The following KALRN variants were observed in gnomAD, a reference collection of about 807,000 sequenced individuals.
KALRN encodes kalirin RhoGEF kinase, also known as kalirin.
KALRN carries 70 observed loss-of-function variants against 353.7 expected under a neutral mutation model. The observed-to-expected ratio is 0.20, with a 90% CI of 0.16 to 0.24. The LOEUF is 0.24. Ranked by LOEUF, KALRN falls within the 10% of genes least tolerant of loss-of-function variation. The pLI, the probability that KALRN is intolerant of heterozygous loss-of-function variation, is 1.00. For synonymous variants in KALRN, 1,391 were observed against 1,434.8 expected, an observed-to-expected ratio of 0.97 and a Z score of 0.69; for missense variants, 2,791 against 3,756.7, an observed-to-expected ratio of 0.74 and a Z score of 6.72.
intron 1 of KALRN, among the ~76,000 whole-genome samples, chr3:124,118,254 G>A (rs772440714): frequency 1.3e-5 from 2 of 152,072 alleles, no homozygotes; most frequent in Non-Finnish European, 2.9e-5. Flanking sequence ...CTGGGGGACA[G>A]GACAGAGGGA....
chr3:124,631,936 C>G (rs916146813), intron 34 of KALRN, among the ~76,000 whole-genome samples: 2 of 152,178 alleles, frequency 1.3e-5, no homozygotes, highest in African/African-American at 2.4e-5. Flanking sequence ...CCCAGAAGGC[C>G]CTTCGCCAGA....
intron 33 of KALRN, among the ~76,000 whole-genome samples, chr3:124,521,027 T>G (rs368049864): frequency 1.4e-4 from 22 of 152,246 alleles, no homozygotes; most frequent in East Asian, 1.2e-3. Flanking sequence ...CTCCCACAGG[T>G]GTTCACATCA....
intron 1 of KALRN, among the ~76,000 whole-genome samples, chr3:124,047,226 G>C (rs995821358): frequency 6.6e-6 from 1 of 152,124 alleles, no homozygotes; most frequent in Admixed American, 6.5e-5. Flanking sequence ...TTGAGTGAAT[G>C]TCTGCCATGT....
At chr3:124,505,629 AAAAC>A (rs915207947) in intron 33 of KALRN, among the ~76,000 whole-genome samples, 1 of 152,196 alleles carries the variant, frequency 6.6e-6, no homozygotes, top group African/African-American at 2.4e-5. Flanking sequence ...CTGTCTCAAA[AAAAC>A]AAACAAAAAA....
At chr3:124,082,479 T>A (rs911802562) in intron 1 of KALRN, 1 of 354,074 alleles carries the variant, frequency 2.8e-6, no homozygotes, top group Non-Finnish European at 5.6e-6. Flanking sequence ...CCAGTTCTGC[T>A]TCAGAAAATT....
At chr3:124,677,456 AT>A in intron 49 of KALRN, 1 of 372,772 alleles carries the variant, frequency 2.7e-6, no homozygotes, top group Non-Finnish European at 5.2e-6. Flanking sequence ...TTGAAAAGCC[AT>A]TGCTGCTCTC....
intron 8 of KALRN, among the ~76,000 whole-genome samples, chr3:124,330,575 A>G (rs1044666749): frequency 2.0e-5 from 3 of 152,170 alleles, no homozygotes; most frequent in Non-Finnish European, 4.4e-5. Flanking sequence ...AATCAAAGGC[A>G]GGGGGTTACT....
At chr3:124,051,716 G>A (rs763302798) in intron 1 of KALRN, among the ~76,000 whole-genome samples, 6 of 152,296 alleles carry the variant, frequency 3.9e-5, no homozygotes, top group African/African-American at 9.6e-5. Context: ...TTCAAACAGC[G>A]CTAGGGGCTG....
intron 6 of KALRN, among the ~76,000 whole-genome samples, chr3:124,306,472 T>C (rs1017120848): frequency 3.9e-5 from 6 of 152,062 alleles, no homozygotes; most frequent in African/African-American, 1.4e-4. Context: ...AGGACAAATG[T>C]ACAGAGCTTC....
chr3:124,130,446 C>T (rs756993356), intron 1 of KALRN, among the ~76,000 whole-genome samples: 12 of 152,094 alleles, frequency 7.9e-5, no homozygotes, highest in East Asian at 1.9e-4. Context: ...CATGGGGTAC[C>T]GTCTTTTCCA....
In KALRN at chr3:124,310,442, G is replaced by T. The variant is rs2078143377; in HGVS notation, c.1092+11529G>T. Among the ~76,000 whole-genome samples the T allele has an allele frequency of 2.0e-5, 3 of 152,192 alleles. 1 individual carries two copies. In the South Asian group the frequency reaches 6.2e-4, roughly 32 times the overall value. The stretch of plus-strand genomic sequence containing the variant: ...CTAAAATTCATGTGGAATTTTAGGA[G>T]ATGCAGAATAGCCAAAATAATGTTG... On this transcript the variant is annotated intron_variant, in intron 6 of 59. Coordinates refer to ENST00000682506, the MANE Select transcript of KALRN (RefSeq NM_001388419.1).
intron 23 of KALRN, among the ~76,000 whole-genome samples, chr3:124,457,677 A>G (rs886690679): frequency 7.2e-5 from 11 of 152,206 alleles, no homozygotes; most frequent in African/African-American, 2.4e-4. Flanking sequence ...TACATATAAT[A>G]AGTCTTAGAA....
rs1214971257 is a variant in KALRN at position 124,292,737 on chromosome 3, A to G, written c.970-6054A>G. Among the ~76,000 whole-genome samples the G allele has an allele frequency of 3.3e-5, 5 of 152,234 alleles. No homozygotes were observed. In the East Asian group the frequency reaches 7.7e-4, roughly 23 times the overall value. On this transcript the variant is annotated intron_variant, in intron 5 of 59. Transcript: ENST00000682506. Reference sequence around the variant, plus strand: ...CCATTTACTGCAATCTTAAATTCATACCTTTCATCTGTTTTTTACTATAAT... The same window carrying G: ...CCATTTACTGCAATCTTAAATTCATGCCTTTCATCTGTTTTTTACTATAAT...
At chr3:124,266,040 G>C (rs565338567) in intron 4 of KALRN, among the ~76,000 whole-genome samples, 1 of 152,120 alleles carries the variant, frequency 6.6e-6, no homozygotes, top group Admixed American at 6.5e-5. Flanking sequence ...ACTTGAACCC[G>C]GGAGGCGGAG....
intron 33 of KALRN, among the ~76,000 whole-genome samples, chr3:124,514,087 C>G (rs1426473900): frequency 1.3e-5 from 2 of 152,208 alleles, no homozygotes; most frequent in Non-Finnish European, 2.9e-5. Flanking sequence ...TATGTCTTCT[C>G]TCTATGCAGT....
chr3:124,457,146 T>A (rs1046501727), intron 23 of KALRN, among the ~76,000 whole-genome samples: 1 of 152,142 alleles, frequency 6.6e-6, no homozygotes, highest in African/African-American at 2.4e-5. Context: ...CTCAGCTCAC[T>A]GCAACCTCCG....
intron 33 of KALRN, among the ~76,000 whole-genome samples, chr3:124,521,182 G>A (rs558787628): frequency 5.1e-4 from 77 of 152,102 alleles, no homozygotes; most frequent in African/African-American, 1.8e-3. Context: ...GGCTGATGAG[G>A]CGGAAATCAC....
intron 51 of KALRN, among the ~76,000 whole-genome samples, chr3:124,689,800 A>T (rs2061727862): frequency 6.6e-6 from 1 of 152,228 alleles, no homozygotes; most frequent in Non-Finnish European, 1.5e-5. Context: ...CATAGCAAAA[A>T]AAATTTATGA....
chr3:124,083,733 C>CCTGT (rs911499913), intron 1 of KALRN, among the ~76,000 whole-genome samples: 23 of 152,222 alleles, frequency 1.5e-4, no homozygotes, highest in African/African-American at 5.5e-4. Flanking sequence ...AAAACAATTA[C>CCTGT]TATGCCTGTG....
Sources: allele counts gnomAD v4.1 joint callset (sites outside exome capture counted in the v4.1 genomes callset), GRCh38; gene constraint gnomAD v4.1.1; transcripts MANE v1.5; gene names NCBI Gene and HGNC (gene_info 2026-07-23, HGNC 2026-07-21).